NT5DC1: variants seen among roughly 807,000 people sequenced by gnomAD.
The protein encoded by NT5DC1 is 5'-nucleotidase domain containing 1.
NT5DC1 carries 42 observed loss-of-function variants against 59.4 expected under a neutral mutation model. That is an observed-to-expected ratio of 0.71 (90% CI 0.55 to 0.92). The LOEUF (loss-of-function observed/expected upper bound fraction) is 0.92. NT5DC1 is among the 40% of genes least tolerant of loss of function. The pLI, the probability that NT5DC1 is intolerant of heterozygous loss-of-function variation, is 0.00. For missense variants in NT5DC1, 501 were observed against 537.1 expected (o/e 0.93, Z 0.66); for synonymous variants, 172 against 188.1 (o/e 0.91, Z 0.70).
intron 4 of NT5DC1, among the ~76,000 whole-genome samples, chr6:116,114,370 C>T (rs1026571661): frequency 2.6e-5 from 4 of 152,022 alleles, no homozygotes; most frequent in African/African-American, 9.7e-5. Flanking sequence ...CCTTATAATA[C>T]TTCTGCATTC....
chr6:116,144,985 G>A (rs1445469238), intron 6 of NT5DC1, among the ~76,000 whole-genome samples: 1 of 152,146 alleles, frequency 6.6e-6, no homozygotes, highest in Non-Finnish European at 1.5e-5. Flanking sequence ...AGGGAAAAGG[G>A]TTCAATTAGA....
At position 116,101,018 on chromosome 6, in the gene NT5DC1, G is replaced by T; in HGVS notation, c.88G>T (p.Ala30Ser). 1 of 1,595,042 alleles carries T rather than the reference G, an allele frequency of 6.3e-7. No individual in the cohort carries two copies. Among genetic ancestry groups the T allele is most frequent in the Non-Finnish European group, 8.5e-7 (1 of 1,171,798 alleles). ...TLCRYNLPES[A>S]PLIYNSFAQF... ...GTGTCGCTACAACCTGCCCGAGAGC[G>T]CCCCGGTGAGTGGCGCGGGCTCCGG... is the stretch of plus-strand genomic sequence containing the variant. The change falls in exon 1 of 12, where the codon GCC becomes TCC. Residue 30 changes from alanine to serine, a missense_variant. By Grantham distance (99) the Ala-to-Ser change is moderately conservative. Coordinates refer to ENST00000319550, the MANE Select transcript of NT5DC1 (RefSeq NM_152729.3).
chr6:116,192,134 CTG>C, intron 6 of NT5DC1, among the ~76,000 whole-genome samples: 1 of 151,882 alleles, frequency 6.6e-6, no homozygotes, highest in Admixed American at 6.6e-5. Flanking sequence ...GAGTGGTAGT[CTG>C]TGTGATGTTT....
At chr6:116,133,474 T>C (rs1779517209) in intron 6 of NT5DC1, among the ~76,000 whole-genome samples, 1 of 152,192 alleles carries the variant, frequency 6.6e-6, no homozygotes, top group African/African-American at 2.4e-5. Context: ...CAAAGTAAAG[T>C]ACTTGTAGGG....
At chr6:116,139,260 G>A (rs1779704103) in intron 6 of NT5DC1, among the ~76,000 whole-genome samples, 1 of 152,086 alleles carries the variant, frequency 6.6e-6, no homozygotes, top group Admixed American at 6.6e-5. Context: ...CAGTCTACTA[G>A]TAACAATTTG....
At chr6:116,200,858 C>A (rs1204846) in intron 6 of NT5DC1, among the ~76,000 whole-genome samples, 95,007 of 151,816 alleles carry the variant, frequency 0.63, 31,591 homozygotes, top group African/African-American at 0.86. Flanking sequence ...ACTTTTTCTT[C>A]TGAGGAAATC....
At chr6:116,145,448 G>A in intron 6 of NT5DC1, 1 of 387,320 alleles carries the variant, frequency 2.6e-6, no homozygotes, top group South Asian at 2.0e-5. Context: ...TAAGAAGATT[G>A]GCCACATCCT....
At chr6:116,240,495 A>G (rs1398096671) in intron 11 of NT5DC1, among the ~76,000 whole-genome samples, 1 of 152,184 alleles carries the variant, frequency 6.6e-6, no homozygotes, top group African/African-American at 2.4e-5. Context: ...TTTGGTATCC[A>G]CAGGGGTCCC....
At chr6:116,179,029 A>T (rs948365348) in intron 6 of NT5DC1, among the ~76,000 whole-genome samples, 1 of 152,138 alleles carries the variant, frequency 6.6e-6, no homozygotes, top group Non-Finnish European at 1.5e-5. Flanking sequence ...CTTGGCCCTA[A>T]AATAGTCAAA....
chr6:116,150,569 G>A lies in NT5DC1; in HGVS notation c.529+32624G>A, dbSNP rs74928395. Among the ~76,000 whole-genome samples, 345 of 152,334 alleles carry A rather than the reference G, an allele frequency of 2.3e-3. 2 individuals are homozygous for A. The highest frequency in any genetic ancestry group is 8.2e-3 in the African/African-American group (339 of 41,556). ...CAAAACGCTGGGATTACAGGCGTGA[G>A]TCACTGCACCTGGCCTTGAAAATGG... On this transcript the variant is annotated intron_variant, in intron 6 of 11. Transcript: ENST00000319550.
At chr6:116,211,195 C>A (rs1015146732) in intron 6 of NT5DC1, among the ~76,000 whole-genome samples, 12 of 152,014 alleles carry the variant, frequency 7.9e-5, no homozygotes, top group South Asian at 6.2e-4. Context: ...TTCACCAGCT[C>A]TCACCGTTCC....
chr6:116,185,867 A>C (rs753275165), intron 6 of NT5DC1, among the ~76,000 whole-genome samples: 1 of 152,022 alleles, frequency 6.6e-6, no homozygotes, highest in East Asian at 1.9e-4. Flanking sequence ...TTTACATTCA[A>C]CGTTAGTATT....
At chr6:116,152,930 A>T (rs1780085097) in intron 6 of NT5DC1, among the ~76,000 whole-genome samples, 1 of 152,086 alleles carries the variant, frequency 6.6e-6, no homozygotes, top group Admixed American at 6.6e-5. Flanking sequence ...AATAACCTAT[A>T]ATCCTCCTCC....
chr6:116,133,007 T>C lies in NT5DC1; in HGVS notation c.529+15062T>C, dbSNP rs78649717. On this transcript the variant is annotated intron_variant, in intron 6 of 11. Transcript: ENST00000319550. ...AGAAATTCATGCATAAAAACAGGTG[T>C]TTATGAAAAACCCCTGAAACGTCAG... Among the ~76,000 whole-genome samples the C allele has an allele frequency of 2.0e-4, 30 of 152,288 alleles. No homozygotes were observed. In the East Asian group the frequency reaches 5.8e-3, roughly 29 times the overall value.
At chr6:116,144,070 A>T (rs1779831335) in intron 6 of NT5DC1, among the ~76,000 whole-genome samples, 2 of 152,196 alleles carry the variant, frequency 1.3e-5, no homozygotes, top group African/African-American at 4.8e-5. Flanking sequence ...TATTTTTATA[A>T]TGAGGATATT....
chr6:116,244,024 A>T lies in NT5DC1; in HGVS notation c.1368A>T (p.Ter456TyrextTer7). The part of the protein sequence containing the change: ...LSSDETLISK[*>Y] ...GTGATGAGACACTGATATCCAAATAAGTTGTCTTTACTGAAAAATGAAGTG... is the reference window on the plus strand; with the variant it reads ...GTGATGAGACACTGATATCCAAATATGTTGTCTTTACTGAAAAATGAAGTG... The change falls in exon 12 of 12, where the codon TAA becomes TAT. Residue 456 changes from the stop codon to tyrosine (Y), a stop_lost. Coordinates refer to ENST00000319550, the MANE Select transcript of NT5DC1 (RefSeq NM_152729.3). 7.9e-7 allele frequency: 1 copy of T among 1,268,328 alleles called. No individual in the cohort carries two copies. Among genetic ancestry groups the T allele is most frequent in the East Asian group, 2.4e-5 (1 of 42,450 alleles). 78.6% of individuals were successfully genotyped at this position (1,268,328 alleles called of 1,614,324 possible). A position where few individuals can be genotyped will look rare whatever the true frequency, so the allele number is the denominator to read the frequency against.
intron 4 of NT5DC1, among the ~76,000 whole-genome samples, chr6:116,112,190 T>A (rs1778891454): frequency 6.6e-6 from 1 of 152,222 alleles, no homozygotes; most frequent in Non-Finnish European, 1.5e-5. Context: ...TCCTGGGAGT[T>A]TATCTGTACC....
chr6:116,239,259 AC>A (rs1446945121), intron 11 of NT5DC1, 136 bp downstream of exon 11: 9 of 679,910 alleles, frequency 1.3e-5, no homozygotes, highest in African/African-American at 1.3e-4. Flanking sequence ...TAGATATGGA[AC>A]CTAGGTAATT....
At chr6:116,147,492 TC>T (rs1779928074) in intron 6 of NT5DC1, among the ~76,000 whole-genome samples, 1 of 151,992 alleles carries the variant, frequency 6.6e-6, no homozygotes, top group Non-Finnish European at 1.5e-5. Context: ...GAGAAAAATT[TC>T]CAACTCATGT....
Sources: gnomAD v4.1 joint callset for allele counts (sites outside exome capture counted in the v4.1 genomes callset) on GRCh38, gnomAD v4.1.1 for gene constraint, MANE v1.5 for transcripts, NCBI Gene and HGNC (gene_info 2026-07-23, HGNC 2026-07-21) for gene names.